The following ACOT1 variants were observed in gnomAD, a reference collection of about 807,000 sequenced individuals.
The protein encoded by ACOT1 is acyl-coenzyme A thioesterase 1.
In ACOT1, 8 loss-of-function variants were observed where a neutral mutation model predicts 15.7. The ratio of observed to expected loss-of-function variants is 0.51; its 90% CI spans 0.30 to 0.92. The LOEUF (loss-of-function observed/expected upper bound fraction) is 0.92, where lower values mean the gene tolerates loss of function less well. Ranked by LOEUF, ACOT1 falls within the 40% of genes least tolerant of loss-of-function variation. ACOT1 has a pLI of 0.06. For missense variants in ACOT1, 151 were observed against 539.4 expected (o/e 0.28, Z 7.13); for synonymous variants, 67 against 241.2 (o/e 0.28, Z 6.69).
chr14:73,529,541 A>G, the ACOT1 span, among the ~76,000 whole-genome samples: 6 of 151,784 alleles, frequency 4.0e-5, no homozygotes, highest in Middle Eastern at 3.4e-3. Flanking sequence ...ATCCCCAACT[A>G]GAAAATGTAG....
chr14:73,506,723 C>T, the ACOT1 span: 2 of 481,596 alleles, frequency 4.2e-6, no homozygotes, highest in Non-Finnish European at 7.3e-6. Flanking sequence ...CCAACTGACT[C>T]TGGGATCATA....
At chr14:73,491,454 C>T in the ACOT1 span, 5 of 1,406,670 alleles carry the variant, frequency 3.6e-6, no homozygotes, top group Non-Finnish European at 4.6e-6. Flanking sequence ...GTGGAGACCT[C>T]GGCCCTGCTG....
At chr14:73,542,115 C>A (rs1318365819) in intron 2 of ACOT1, among the ~76,000 whole-genome samples, 2 of 112,200 alleles carry the variant, frequency 1.8e-5, no homozygotes, top group African/African-American at 3.0e-5. Context: ...CTTGGCCTCC[C>A]CAGGTGCTGG....
chr14:73,514,289 C>CTGTGTG, the ACOT1 span: 5 of 1,513,256 alleles, frequency 3.3e-6, no homozygotes, highest in Non-Finnish European at 4.5e-6. Flanking sequence ...GGCCCTGCCA[C>CTGTGTG]ACAGTGGCCC....
the ACOT1 span, among the ~76,000 whole-genome samples, chr14:73,525,480 A>G: frequency 2.0e-4 from 30 of 152,190 alleles, no homozygotes; most frequent in Non-Finnish European, 2.4e-4. Context: ...CCATGAAGGC[A>G]ACGTCTTCAT....
the ACOT1 span, among the ~76,000 whole-genome samples, chr14:73,501,834 A>G: frequency 2.0e-5 from 3 of 151,168 alleles, no homozygotes; most frequent in African/African-American, 7.3e-5. Flanking sequence ...GCTCACTGCA[A>G]GCTCCAACTC....
At chr14:73,496,038 G>A in the ACOT1 span, among the ~76,000 whole-genome samples, 41 of 152,268 alleles carry the variant, frequency 2.7e-4, no homozygotes, top group Admixed American at 9.2e-4. Flanking sequence ...GCTGAGGCAC[G>A]AGAATCACTT....
chr14:73,499,232 G>A, the ACOT1 span: 5 of 1,119,856 alleles, frequency 4.5e-6, no homozygotes, highest in Non-Finnish European at 6.8e-6. Flanking sequence ...TGTAATCCCA[G>A]CATTTTGGGA....
the ACOT1 span, among the ~76,000 whole-genome samples, chr14:73,495,627 G>A: frequency 6.6e-6 from 1 of 152,046 alleles, no homozygotes; most frequent in Non-Finnish European, 1.5e-5. Flanking sequence ...ATCAGTAGTA[G>A]GTGGTACATA....
chr14:73,495,114 CCTTTCCTGACT>C, the ACOT1 span: 1 of 817,982 alleles, frequency 1.2e-6, no homozygotes. Flanking sequence ...AAGAGAGTAC[CCTTTCCTGACT>C]CTTTCATCCT....
the ACOT1 span, among the ~76,000 whole-genome samples, chr14:73,503,775 T>G: frequency 6.6e-6 from 1 of 152,212 alleles, no homozygotes; most frequent in Non-Finnish European, 1.5e-5. Flanking sequence ...GACTTATCCC[T>G]GCACCCCCAG....
the ACOT1 span, among the ~76,000 whole-genome samples, chr14:73,527,776 G>A: frequency 9.4e-3 from 1,431 of 151,770 alleles, 29 homozygotes; most frequent in African/African-American, 0.033. Context: ...TCAGGGGTTC[G>A]AGACCAGCCC....
the ACOT1 span, among the ~76,000 whole-genome samples, chr14:73,502,555 C>CT: frequency 3.9e-4 from 57 of 146,542 alleles, no homozygotes; most frequent in African/African-American, 9.2e-4. Context: ...CTCCTAAGCA[C>CT]TTTTTTTTTT....
At chr14:73,491,836 G>A in the ACOT1 span, 2 of 1,608,622 alleles carry the variant, frequency 1.2e-6, no homozygotes, top group Non-Finnish European at 1.7e-6. Flanking sequence ...GACGACGCGA[G>A]ACCCTGAACC....
chr14:73,492,780 A>G, the ACOT1 span: 2 of 1,613,678 alleles, frequency 1.2e-6, no homozygotes, highest in East Asian at 2.2e-5. This position sits in a 1 kb window ranked among gnomAD's most constrained non-coding sequence, Gnocchi z 4.9. Flanking sequence ...TTGGAAATAT[A>G]CCCCCAGCAA....
the ACOT1 span, chr14:73,500,656 G>A: frequency 6.2e-7 from 1 of 1,614,084 alleles, no homozygotes; most frequent in African/African-American, 1.3e-5. Flanking sequence ...AAGCTTGGCG[G>A]TCATAAGCTT....
chr14:73,499,148 G>A, the ACOT1 span: 1 of 1,613,630 alleles, frequency 6.2e-7, no homozygotes, highest in Non-Finnish European at 8.5e-7. Context: ...CACCTGGGAT[G>A]GAAAAGGCAG....
the ACOT1 span, among the ~76,000 whole-genome samples, chr14:73,531,370 T>C: frequency 8.9e-6 from 1 of 112,206 alleles, no homozygotes; most frequent in African/African-American, 2.9e-5. Context: ...TGTGAGAAAT[T>C]GCATCTTATT....
chr14:73,507,331 C>T, the ACOT1 span, among the ~76,000 whole-genome samples: 2 of 152,148 alleles, frequency 1.3e-5, no homozygotes, highest in Non-Finnish European at 1.5e-5. Flanking sequence ...TTGTGACTTC[C>T]CTTTGTATAC....
Sources: gnomAD v4.1 joint callset for allele counts (sites outside exome capture counted in the v4.1 genomes callset) on GRCh38, gnomAD v4.1.1 for gene constraint, Gnocchi (gnomAD v3.1) non-coding constraint, MANE v1.5 for transcripts, NCBI Gene and HGNC (gene_info 2026-07-23, HGNC 2026-07-21) for gene names.